Variants in PDE1C observed in about 807,000 individuals in gnomAD.
PDE1C encodes the protein dual specificity calcium/calmodulin-dependent 3',5'-cyclic nucleotide phosphodiesterase 1C.
A neutral mutation model predicts 93.1 loss-of-function variants in PDE1C; 62 were observed. The ratio of observed to expected loss-of-function variants is 0.67; its 90% CI spans 0.54 to 0.82. The LOEUF (loss-of-function observed/expected upper bound fraction) is 0.82. Among genes scored for constraint, PDE1C ranks in the 40% least tolerant of loss-of-function variants. The pLI, the probability that PDE1C is intolerant of heterozygous loss-of-function variation, is 0.00. For synonymous variants in PDE1C, 325 were observed against 310.1 expected (o/e 1.05, Z -0.50); for missense variants, 742 against 884.6 (o/e 0.84, Z 2.04).
intron 3 of PDE1C, among the ~76,000 whole-genome samples, chr7:32,154,505 A>G (rs1189103598): frequency 1.3e-5 from 2 of 152,176 alleles, no homozygotes; most frequent in African/African-American, 2.4e-5. Context: ...AGAATTACCT[A>G]AACTACAACC....
the PDE1C span, among the ~76,000 whole-genome samples, chr7:31,716,231 G>C: frequency 1.3e-5 from 2 of 152,064 alleles, no homozygotes; most frequent in Non-Finnish European, 2.9e-5. Flanking sequence ...TAAAATTTTA[G>C]TATCTTCCTA....
chr7:32,073,946 G>A (rs1796206068), upstream of PDE1C, among the ~76,000 whole-genome samples: 1 of 152,162 alleles, frequency 6.6e-6, no homozygotes, highest in Non-Finnish European at 1.5e-5. Context: ...CAGTAAAACT[G>A]TTTAGGAAAC....
chr7:31,724,544 G>T, the PDE1C span, among the ~76,000 whole-genome samples: 1 of 152,212 alleles, frequency 6.6e-6, no homozygotes, highest in East Asian at 1.9e-4. Context: ...GAAGGGCATT[G>T]ATCGTTCTTT....
chr7:32,170,761 C>A (rs1240830215), intron 2 of PDE1C, among the ~76,000 whole-genome samples: 3 of 152,078 alleles, frequency 2.0e-5, no homozygotes, highest in African/African-American at 7.2e-5. Context: ...CCTTGTCGCC[C>A]CACTCTCCCC....
At chr7:31,738,560 T>G in the PDE1C span, among the ~76,000 whole-genome samples, 4 of 152,122 alleles carry the variant, frequency 2.6e-5, no homozygotes, top group Non-Finnish European at 5.9e-5. Flanking sequence ...GTGAAGACAC[T>G]GCCAAGCCAT....
At chr7:32,402,817 C>G (rs558452920) in intron 1 of PDE1C, among the ~76,000 whole-genome samples, 1 of 152,274 alleles carries the variant, frequency 6.6e-6, no homozygotes, top group Non-Finnish European at 1.5e-5. Context: ...AAACCCCCTC[C>G]AAGATGAGTG....
At chr7:32,137,438 A>G (rs1214280346) in intron 3 of PDE1C, among the ~76,000 whole-genome samples, 1 of 152,204 alleles carries the variant, frequency 6.6e-6, no homozygotes, top group Admixed American at 6.5e-5. Context: ...AGGTGTCACC[A>G]TTATTAAAAA....
chr7:31,659,694 CTCTTT>C, the PDE1C span, among the ~76,000 whole-genome samples: 513 of 152,308 alleles, frequency 3.4e-3, no homozygotes, highest in Non-Finnish European at 6.0e-3. Flanking sequence ...AAACTTCAGT[CTCTTT>C]TCTTGTAGTC....
chr7:31,894,621 T>C (rs1799045243), intron 2 of PDE1C, among the ~76,000 whole-genome samples: 1 of 152,122 alleles, frequency 6.6e-6, no homozygotes, highest in Admixed American at 6.5e-5. Context: ...CACATATTTC[T>C]CAGAAAAGAA....
At chr7:31,891,122 T>C (rs898522482) in intron 2 of PDE1C, among the ~76,000 whole-genome samples, 3 of 152,164 alleles carry the variant, frequency 2.0e-5, no homozygotes, top group Non-Finnish European at 2.9e-5. Context: ...AAGTTCACCA[T>C]GGGTTTCCAA....
chr7:31,803,670 A>C (rs571306909), intron 16 of PDE1C, among the ~76,000 whole-genome samples: 32 of 151,912 alleles, frequency 2.1e-4, no homozygotes, highest in Non-Finnish European at 3.2e-4. Flanking sequence ...TCCTTGCGAC[A>C]GTTTGCTGAG....
chr7:32,344,807 GT>G, intron 1 of PDE1C, among the ~76,000 whole-genome samples: 1 of 152,156 alleles, frequency 6.6e-6, no homozygotes, highest in East Asian at 1.9e-4. Context: ...ATTTTTGTCT[GT>G]TTTGTTCTAT....
chr7:31,682,795 A>G, the PDE1C span, among the ~76,000 whole-genome samples: 1 of 152,236 alleles, frequency 6.6e-6, no homozygotes. Flanking sequence ...TTCAGCAATA[A>G]AAAGGAATGA....
At chr7:31,639,296 T>C in the PDE1C span, among the ~76,000 whole-genome samples, 2 of 152,178 alleles carry the variant, frequency 1.3e-5, no homozygotes, top group African/African-American at 4.8e-5. Context: ...TTTTTAAATC[T>C]CTATGTTTCA....
intron 3 of PDE1C, among the ~76,000 whole-genome samples, chr7:32,078,768 T>A (rs558396875): frequency 5.5e-4 from 83 of 151,988 alleles, no homozygotes; most frequent in East Asian, 7.8e-4. Context: ...CTACAAAAAA[T>A]TTTTAAAAAT....
intron 13 of PDE1C, 73 bp downstream of exon 13, chr7:31,824,794 C>T: frequency 1.3e-6 from 2 of 1,572,360 alleles, no homozygotes; most frequent in South Asian, 2.3e-5. Flanking sequence ...CCATCCCCAT[C>T]CCCAGCAAAA....
intron 1 of PDE1C, among the ~76,000 whole-genome samples, chr7:32,284,166 C>T (rs758505654): frequency 3.9e-5 from 6 of 152,236 alleles, no homozygotes; most frequent in Non-Finnish European, 7.3e-5. Context: ...ACTGACTGCA[C>T]AGCAAGCCAG....
chr7:31,893,968 A>G (rs1193386366), intron 2 of PDE1C, among the ~76,000 whole-genome samples: 1 of 152,324 alleles, frequency 6.6e-6, no homozygotes, highest in East Asian at 1.9e-4. Flanking sequence ...GTTTTAAATG[A>G]TATTTGAACC....
rs145579995 is a variant in PDE1C, at chr7:31,867,070, C to T, written c.610-1988G>A. 1.3e-3 allele frequency among the ~76,000 whole-genome samples: 197 copies of T among 152,184 alleles called. 5 individuals are homozygous for T. Among genetic ancestry groups the T allele is most frequent in the African/African-American group, 4.6e-3 (190 of 41,528 alleles). On this transcript the variant is annotated intron_variant, in intron 6 of 17. Coordinates refer to ENST00000396191, the MANE Select transcript of PDE1C (RefSeq NM_001191057.4). ...CTGGGGGCTCAATAGTCCTTGTATC[C>T]CCATAACTCTGGAGCCCCATTGACA...
Sources: gnomAD v4.1 joint callset for allele counts (sites outside exome capture counted in the v4.1 genomes callset) on GRCh38, gnomAD v4.1.1 for gene constraint, MANE v1.5 for transcripts, NCBI Gene and HGNC (gene_info 2026-07-23, HGNC 2026-07-21) for gene names.